RNF212B: variants seen among roughly 807,000 people sequenced by gnomAD.
RNF212B encodes ring finger protein 212B.
RNF212B carries 52 observed loss-of-function variants against 55.5 expected under a neutral mutation model. The ratio of observed to expected loss-of-function variants is 0.94; its 90% CI spans 0.75 to 1.18. The LOEUF (loss-of-function observed/expected upper bound fraction) is 1.18. Ranked by LOEUF, RNF212B falls within the 50% of genes most tolerant of loss-of-function variation. RNF212B has a pLI of 0.00. For synonymous variants in RNF212B, 99 were observed against 121.4 expected, an observed-to-expected ratio of 0.82 and a Z score of 1.21; for missense variants, 289 against 350.4, an observed-to-expected ratio of 0.82 and a Z score of 1.40.
chr14:23,224,463 C>T (rs1397096406), intron 2 of RNF212B, among the ~76,000 whole-genome samples: 3 of 152,154 alleles, frequency 2.0e-5, no homozygotes, highest in Non-Finnish European at 4.4e-5. Context: ...CAACAGTGAA[C>T]TCATTTTGGG....
At chr14:23,243,212 T>G in intron 2 of RNF212B, 44 bp from the exon 3 acceptor site, 1 of 1,472,754 alleles carries the variant, frequency 6.8e-7, no homozygotes, top group Non-Finnish European at 9.3e-7. Flanking sequence ...AAATCTTACC[T>G]CATGCTCATG....
intron 9 of RNF212B, among the ~76,000 whole-genome samples, chr14:23,263,821 C>T (rs1186342134): frequency 1.3e-5 from 2 of 152,106 alleles, no homozygotes; most frequent in East Asian, 3.8e-4. Context: ...GGTACAGTAG[C>T]TTATGCCTGT....
chr14:23,230,349 T>G (rs1014784257), intron 2 of RNF212B, among the ~76,000 whole-genome samples: 2 of 152,194 alleles, frequency 1.3e-5, no homozygotes, highest in Non-Finnish European at 2.9e-5. Context: ...CCTGTGCTAT[T>G]TTTGTATTTA....
At chr14:23,213,746 G>A (rs1331493785) in intron 2 of RNF212B, among the ~76,000 whole-genome samples, 2 of 152,020 alleles carry the variant, frequency 1.3e-5, no homozygotes, top group Admixed American at 1.3e-4. Flanking sequence ...GAAGAAGTGA[G>A]GAAGAGAGGT....
intron 4 of RNF212B, among the ~76,000 whole-genome samples, chr14:23,254,840 C>G (rs1483524303): frequency 6.6e-6 from 1 of 152,208 alleles, no homozygotes; most frequent in African/African-American, 2.4e-5. Context: ...TTCTCCTTTA[C>G]TCTTTCCAAC....
At chr14:23,249,549 C>A (rs1387148577) in intron 4 of RNF212B, among the ~76,000 whole-genome samples, 2 of 152,114 alleles carry the variant, frequency 1.3e-5, no homozygotes, top group Admixed American at 6.5e-5. Flanking sequence ...AAAAGAGATA[C>A]TCAATGGTGC....
intron 2 of RNF212B, among the ~76,000 whole-genome samples, chr14:23,210,792 A>AAAAAAAAAG (rs1880429050): frequency 1.3e-5 from 2 of 150,964 alleles, no homozygotes; most frequent in South Asian, 4.2e-4. Flanking sequence ...AAAAAAAAAA[A>AAAAAAAAAG]AAAGAAATGT....
At chr14:23,219,892 CACA>C (rs1881408731) in intron 2 of RNF212B, among the ~76,000 whole-genome samples, 1 of 152,138 alleles carries the variant, frequency 6.6e-6, no homozygotes, top group East Asian at 1.9e-4. Flanking sequence ...CAAAAAAACA[CACA>C]ACAAGGGCCT....
chr14:23,255,906 A>G lies in RNF212B; in HGVS notation c.229-2643A>G, dbSNP rs539155632. Among the ~76,000 whole-genome samples, 9 of 152,320 alleles carry G rather than the reference A, an allele frequency of 5.9e-5. 1 individual carries two copies. The South Asian group carries it at 1.9e-3, about 32-fold the overall frequency. ...AGTGAATGTGTTTGATATAGGCTAAACATTTGTACCCTGGCATCAGGCAAA... is the reference window on the plus strand; with the variant it reads ...AGTGAATGTGTTTGATATAGGCTAAGCATTTGTACCCTGGCATCAGGCAAA... On this transcript the variant is annotated intron_variant, in intron 4 of 14. Coordinates refer to ENST00000430154, the MANE Select transcript of RNF212B (RefSeq NM_001282322.3).
intron 2 of RNF212B, among the ~76,000 whole-genome samples, chr14:23,202,786 G>A (rs939184435): frequency 2.0e-5 from 3 of 151,506 alleles, no homozygotes; most frequent in African/African-American, 4.9e-5. Context: ...GGGAGGTGGA[G>A]GTTGCAGTGA....
chr14:23,207,641 G>A (rs754375070), intron 2 of RNF212B, among the ~76,000 whole-genome samples: 1 of 152,124 alleles, frequency 6.6e-6, no homozygotes, highest in African/African-American at 2.4e-5. Flanking sequence ...CAAAGGTCGG[G>A]GGCAACTCCA....
chr14:23,224,235 CA>C (rs201138786), intron 2 of RNF212B, among the ~76,000 whole-genome samples: 108 of 139,792 alleles, frequency 7.7e-4, no homozygotes, highest in Admixed American at 8.6e-4. Context: ...TATAGAATGT[CA>C]AAAAAAAAAA....
intron 4 of RNF212B, among the ~76,000 whole-genome samples, chr14:23,252,751 C>G (rs12717441): frequency 0.16 from 23,995 of 152,124 alleles, 1,966 homozygotes; most frequent in Non-Finnish European, 0.18. Flanking sequence ...GGTCTTTAGA[C>G]TCACTGTTCC....
At chr14:23,240,114 C>T (rs1883457612) in intron 1 of RNF212B, among the ~76,000 whole-genome samples, 1 of 151,396 alleles carries the variant, frequency 6.6e-6, no homozygotes, top group Non-Finnish European at 1.5e-5. Flanking sequence ...TACACACACA[C>T]ACATTTATAT....
chr14:23,230,045 A>C, intron 2 of RNF212B: 1 of 210,398 alleles, frequency 4.8e-6, no homozygotes, highest in Admixed American at 4.2e-5. Context: ...AAATCCACTG[A>C]GGAATGGGAT....
intron 4 of RNF212B, among the ~76,000 whole-genome samples, chr14:23,245,902 G>C (rs1883941047): frequency 6.6e-6 from 1 of 152,170 alleles, no homozygotes; most frequent in Non-Finnish European, 1.5e-5. Context: ...ATAAGTAGTG[G>C]ACGCTCAAGA....
intron 8 of RNF212B, 68 bp downstream of exon 8, chr14:23,262,779 T>C: frequency 6.7e-7 from 1 of 1,482,596 alleles, no homozygotes; most frequent in Non-Finnish European, 9.2e-7. Flanking sequence ...GAAGATGGTT[T>C]CCTCTCAGAG....
chr14:23,225,427 T>C (rs1190898446), intron 2 of RNF212B, among the ~76,000 whole-genome samples: 1 of 152,172 alleles, frequency 6.6e-6, no homozygotes, highest in Admixed American at 6.5e-5. Context: ...AACAGATGAA[T>C]GGATAAAGAA....
chr14:23,242,096 A>AAG (rs1279898328), intron 2 of RNF212B, among the ~76,000 whole-genome samples: 3 of 122,834 alleles, frequency 2.4e-5, no homozygotes, highest in African/African-American at 1.0e-4. Context: ...AAAAAAAAAA[A>AAG]AAAAAAAAAA....
Sources: allele counts gnomAD v4.1 joint callset (sites outside exome capture counted in the v4.1 genomes callset), GRCh38; gene constraint gnomAD v4.1.1; transcripts MANE v1.5; gene names NCBI Gene and HGNC (gene_info 2026-07-23, HGNC 2026-07-21).